UBAC2: variants seen among roughly 807,000 people sequenced by gnomAD.
UBAC2 encodes the protein UBA domain containing 2.
Under a neutral mutation model 44.0 loss-of-function variants are expected in UBAC2, and 26 were observed. The observed-to-expected ratio is 0.59, with a 90% confidence interval of 0.43 to 0.82. The LOEUF is 0.82. UBAC2 is among the 40% of genes least tolerant of loss of function. UBAC2 has a pLI of 0.00. For missense variants in UBAC2, 329 were observed against 419.4 expected (o/e 0.78, Z 1.88); for synonymous variants, 155 against 154.3 (o/e 1.00, Z -0.04).
Position 99,270,928 on chromosome 13 carries a change from A to G in UBAC2, c.389+26304A>G, listed in dbSNP as rs371657972. Among the ~76,000 whole-genome samples, 212 of 152,340 alleles carry G rather than the reference A, an allele frequency of 1.4e-3. 2 individuals are homozygous for G. Among genetic ancestry groups the G allele is most frequent in the African/African-American group, 5.0e-3 (207 of 41,586 alleles). ...ATTTATGCATGCATGAATGAATGAG[A>G]GAATTCTACCTCATATTTTACAAGA... is the stretch of plus-strand genomic sequence containing the variant. On this transcript the variant is annotated intron_variant, in intron 4 of 8. Transcript: ENST00000403766.
At chr13:99,375,886 C>G (rs868073255) in intron 8 of UBAC2, among the ~76,000 whole-genome samples, 1 of 149,286 alleles carries the variant, frequency 6.7e-6, no homozygotes, top group Admixed American at 6.7e-5. Flanking sequence ...TCACCGCAAC[C>G]TCGACCTCCT....
chr13:99,313,369 A>T (rs1367766906), intron 4 of UBAC2: 2 of 152,192 alleles, frequency 1.3e-5, no homozygotes, highest in Admixed American at 6.5e-5. Context: ...TAAGAAATGG[A>T]TTAGAGAGAA....
At chr13:99,259,774 T>C (rs1887701) in intron 4 of UBAC2, among the ~76,000 whole-genome samples, 11 of 152,226 alleles carry the variant, frequency 7.2e-5, no homozygotes, top group Non-Finnish European at 1.6e-4. Flanking sequence ...CTTAGGACTT[T>C]TCTAAAATTA....
chr13:99,204,585 A>G (rs2042845079), intron 1 of UBAC2, among the ~76,000 whole-genome samples: 1 of 152,170 alleles, frequency 6.6e-6, no homozygotes, highest in South Asian at 2.1e-4. Flanking sequence ...TGGCCAAGGA[A>G]GTAGGGGGAC....
At chr13:99,362,415 A>C (rs1433628361) in intron 7 of UBAC2, among the ~76,000 whole-genome samples, 1 of 152,198 alleles carries the variant, frequency 6.6e-6, no homozygotes, top group African/African-American at 2.4e-5. Context: ...AGACTAGAAT[A>C]GTTTCACTAG....
chr13:99,340,825 G>C (rs1411762321), intron 7 of UBAC2, among the ~76,000 whole-genome samples: 1 of 152,180 alleles, frequency 6.6e-6, no homozygotes, highest in Non-Finnish European at 1.5e-5. Context: ...TGACTTCTTA[G>C]AGAAACACCA....
At chr13:99,327,067 C>G (rs554239710) in intron 6 of UBAC2, among the ~76,000 whole-genome samples, 17 of 152,296 alleles carry the variant, frequency 1.1e-4, no homozygotes, top group African/African-American at 4.1e-4. Context: ...GCTATGCTTT[C>G]TCTTCTAAAA....
chr13:99,286,361 A>G (rs769216247), intron 4 of UBAC2, among the ~76,000 whole-genome samples: 4 of 152,202 alleles, frequency 2.6e-5, no homozygotes, highest in Non-Finnish European at 4.4e-5. Flanking sequence ...AAGTTCCTCA[A>G]AGAACATTGT....
intron 4 of UBAC2, among the ~76,000 whole-genome samples, chr13:99,259,626 T>G (rs933076186): frequency 6.6e-6 from 1 of 152,230 alleles, no homozygotes; most frequent in Admixed American, 6.5e-5. Flanking sequence ...TAGATAGGAC[T>G]TCTTATGGCT....
At chr13:99,356,822 G>A (rs1023716464) in intron 7 of UBAC2, among the ~76,000 whole-genome samples, 4 of 152,316 alleles carry the variant, frequency 2.6e-5, no homozygotes, top group African/African-American at 9.6e-5. Flanking sequence ...TATGCAGCAT[G>A]GTTTCTTCTG....
chr13:99,234,111 T>C (rs981501171), intron 1 of UBAC2, among the ~76,000 whole-genome samples: 1 of 151,782 alleles, frequency 6.6e-6, no homozygotes, highest in Non-Finnish European at 1.5e-5. Context: ...TTTTCCTAGA[T>C]TGAGATGCAC....
chr13:99,279,349 T>A (rs2043924010), intron 4 of UBAC2, among the ~76,000 whole-genome samples: 1 of 152,216 alleles, frequency 6.6e-6, no homozygotes, highest in African/African-American at 2.4e-5. Context: ...GAGAATAAAC[T>A]GCCACCATTC....
At chr13:99,263,665 G>GCGTA (rs2043700470) in intron 4 of UBAC2, among the ~76,000 whole-genome samples, 1 of 152,148 alleles carries the variant, frequency 6.6e-6, no homozygotes, top group Non-Finnish European at 1.5e-5. Flanking sequence ...AACACATGCT[G>GCGTA]CGTACCAGGA....
intron 1 of UBAC2, among the ~76,000 whole-genome samples, chr13:99,205,138 G>A (rs993445522): frequency 3.9e-5 from 6 of 152,152 alleles, no homozygotes; most frequent in African/African-American, 1.4e-4. Context: ...TCCTGACCTC[G>A]TGATCCGCCC....
At chr13:99,344,697 A>G (rs999414530) in intron 7 of UBAC2, among the ~76,000 whole-genome samples, 5 of 152,122 alleles carry the variant, frequency 3.3e-5, no homozygotes, top group Non-Finnish European at 5.9e-5. Flanking sequence ...ATTTCTTTAG[A>G]TTTCTCTTGC....
intron 1 of UBAC2, among the ~76,000 whole-genome samples, chr13:99,230,431 T>G (rs1287687823): frequency 1.3e-5 from 2 of 152,124 alleles, no homozygotes; most frequent in Non-Finnish European, 2.9e-5. Context: ...ATCACGCCAC[T>G]GCACTCCAGC....
At chr13:99,348,680 A>G (rs565664745) in intron 7 of UBAC2, among the ~76,000 whole-genome samples, 1 of 152,346 alleles carries the variant, frequency 6.6e-6, no homozygotes, top group East Asian at 1.9e-4. Context: ...TATTTTTAAG[A>G]AAGCTCACTT....
At chr13:99,325,668 T>C (rs533016286) in intron 6 of UBAC2, among the ~76,000 whole-genome samples, 1 of 152,334 alleles carries the variant, frequency 6.6e-6, no homozygotes, top group East Asian at 1.9e-4. Context: ...TGAAACTTTA[T>C]GCCTGTTGAT....
intron 4 of UBAC2, among the ~76,000 whole-genome samples, chr13:99,266,809 T>A (rs532187329): frequency 6.6e-6 from 1 of 152,314 alleles, no homozygotes; most frequent in African/African-American, 2.4e-5. Flanking sequence ...CTTCCCAGAC[T>A]GAAAGCCTGT....
Sources: allele counts gnomAD v4.1 joint callset (sites outside exome capture counted in the v4.1 genomes callset), GRCh38; gene constraint gnomAD v4.1.1; transcripts MANE v1.5; gene names NCBI Gene and HGNC (gene_info 2026-07-23, HGNC 2026-07-21).